SBNO2: variants seen among roughly 807,000 people sequenced by gnomAD.
SBNO2 encodes the protein protein strawberry notch homolog 2.
Under a neutral mutation model 146.3 loss-of-function variants are expected in SBNO2, and 89 were observed. That is an observed-to-expected ratio of 0.61 (90% CI 0.51 to 0.73). SBNO2 has a LOEUF of 0.73. Ranked by LOEUF, SBNO2 falls within the 30% of genes least tolerant of loss-of-function variation. The pLI is 0.00. For missense variants in SBNO2, 2,092 were observed against 2,003.7 expected, an observed-to-expected ratio of 1.04 and a Z score of -0.84; for synonymous variants, 1,147 against 892.6, an observed-to-expected ratio of 1.29 and a Z score of -5.08.
chr19:1,126,067 G>C lies in SBNO2; in HGVS notation c.441+1537C>G, dbSNP rs1267699103. Reference sequence around the variant, plus strand: ...TCCCCCCCTTGAACTCCAACGTCCTGAGACGGGTGAGGTTTCCGCCCAAGC... The same window carrying C: ...TCCCCCCCTTGAACTCCAACGTCCTCAGACGGGTGAGGTTTCCGCCCAAGC... On this transcript the variant is annotated intron_variant, in intron 5 of 31. Transcript: ENST00000361757. The surrounding 1 kb of genome is among the most constrained non-coding windows in gnomAD (Gnocchi z 4.4). Among the ~76,000 whole-genome samples, 2 of 152,194 alleles carry C rather than the reference G, an allele frequency of 1.3e-5. No homozygotes were observed. The highest frequency in any genetic ancestry group is 2.9e-5 in the Non-Finnish European group (2 of 68,036).
At position 1,154,185 on chromosome 19, in the gene SBNO2, T is replaced by G; in HGVS notation, c.92A>C (p.Gln31Pro). The part of the protein sequence containing the change: ...GSLLYSPPPL[Q>P]SAMLHCPYWN... ...GCCGGGGCCGGGGGTGGGGCTCACC[T>G]GCAGGGGCGGCGGGCTGTACAGGAG... The change falls in exon 2 of 32, where the codon CAG becomes CCG. Residue 31 changes from glutamine (Q) to proline (P), a missense_variant and splice_region_variant. Physicochemically the swap from Gln to Pro is moderately conservative, Grantham distance 76 (BLOSUM62 -1). Coordinates refer to ENST00000361757, the MANE Select transcript of SBNO2 (RefSeq NM_014963.3). 4 of 1,235,412 alleles carry G rather than the reference T, an allele frequency of 3.2e-6. No individual in the cohort carries two copies. The allele number at this position is 1,235,412 out of a possible 1,614,324, so 76.5% of individuals were successfully genotyped here.
chr19:1,127,556 G>A (rs534155686), intron 5 of SBNO2, 48 bp downstream of exon 5: 5 of 1,581,186 alleles, frequency 3.2e-6, no homozygotes, highest in African/African-American at 1.3e-5. Context: ...GGGCTGGGGA[G>A]GCCACGCTGG....
chr19:1,171,643 G>A (rs922418996), intron 1 of SBNO2, among the ~76,000 whole-genome samples: 1 of 152,168 alleles, frequency 6.6e-6, no homozygotes, highest in African/African-American at 2.4e-5. Flanking sequence ...CGGTGTTGGC[G>A]TTTCCGCATG....
intron 4 of SBNO2, among the ~76,000 whole-genome samples, chr19:1,142,487 C>T (rs1297614303): frequency 1.3e-5 from 2 of 152,228 alleles, no homozygotes; most frequent in Non-Finnish European, 2.9e-5. Context: ...CGAGACCAGC[C>T]TGGCCAATAT....
At chr19:1,119,229 C>A (rs747389721) in intron 13 of SBNO2, 65 bp from the exon 14 acceptor site, 7 of 1,524,946 alleles carry the variant, frequency 4.6e-6, no homozygotes, top group Non-Finnish European at 6.2e-6. Flanking sequence ...ACTCGGAGCG[C>A]GAGGCAGAGC....
intron 1 of SBNO2, among the ~76,000 whole-genome samples, chr19:1,161,654 G>A (rs989723059): frequency 1.1e-4 from 17 of 151,810 alleles, no homozygotes; most frequent in African/African-American, 4.1e-4. Context: ...GGATGCCCAG[G>A]ACCCACATTT....
At chr19:1,149,475 A>G (rs1239624585) in intron 2 of SBNO2, 33 bp from the exon 3 acceptor site, 5 of 1,542,790 alleles carry the variant, frequency 3.2e-6, no homozygotes, top group Non-Finnish European at 4.4e-6. Flanking sequence ...GTGAGTGGGA[A>G]GCAGAGGACC....
rs2079982271 is a variant in SBNO2 at position 1,127,704 on chromosome 19, A to G, written c.341T>C (p.Leu114Pro). ...ISIFSSSVDS[L>P]SDIVDTPDFL... Reference sequence around the variant, plus strand: ...GTCGGGCGTGTCCACGATGTCCGACAGGGAGTCCACGGACGAGGAGAAGAT... The same window carrying G: ...GTCGGGCGTGTCCACGATGTCCGACGGGGAGTCCACGGACGAGGAGAAGAT... Residue 114 changes from leucine to proline, a missense_variant, in exon 5 of 32, where the codon CTG (leucine) becomes CCG (proline). Transcript: ENST00000361757. 1 of 1,613,450 alleles carries G rather than the reference A, an allele frequency of 6.2e-7. No individual in the cohort carries two copies. The highest frequency in any genetic ancestry group is 1.3e-5 in the African/African-American group (1 of 74,926).
chr19:1,140,533 C>T lies in SBNO2; in HGVS notation c.279+6776G>A, dbSNP rs2080125438. On this transcript the variant is annotated intron_variant, in intron 4 of 31. Coordinates refer to ENST00000361757, the MANE Select transcript of SBNO2 (RefSeq NM_014963.3). This position sits in a 1 kb window ranked among gnomAD's most constrained non-coding sequence, Gnocchi z 4.4. The stretch of plus-strand genomic sequence containing the variant: ...AGGGCCGGGCAAGGCACACACGTGA[C>T]ACCGCGGGAGCCCCGCAGCCCACGG... Among the ~76,000 whole-genome samples, 2 of 152,126 alleles carry T rather than the reference C, an allele frequency of 1.3e-5. No homozygotes were observed. Among genetic ancestry groups the T allele is most frequent in the Non-Finnish European group, 2.9e-5 (2 of 67,994 alleles).
chr19:1,133,689 C>T (rs1330481293), intron 4 of SBNO2, among the ~76,000 whole-genome samples: 1 of 151,816 alleles, frequency 6.6e-6, no homozygotes, highest in Admixed American at 6.6e-5. Flanking sequence ...ACCCACGGAG[C>T]CGCTCAATCC....
In SBNO2 at chr19:1,173,983, G is replaced by A. The variant is rs1054249379; in HGVS notation, c.-127+189C>T. On this transcript the variant is annotated intron_variant, in intron 1 of 31. Transcript: ENST00000361757. The surrounding 1 kb of genome is among the most constrained non-coding windows in gnomAD (Gnocchi z 4.7). ...GGGCAGCGCGGGGTCAACGTTGGCG[G>A]CGAAGGGCGGGGTCGGAAGGGGTCG... Among the ~76,000 whole-genome samples the A allele has an allele frequency of 3.4e-5, 5 of 148,698 alleles. No homozygotes were observed. Among genetic ancestry groups the A allele is most frequent in the African/African-American group, 1.2e-4 (5 of 40,918 alleles).
intron 1 of SBNO2, among the ~76,000 whole-genome samples, chr19:1,156,659 C>CTG (rs2080292107): frequency 6.6e-6 from 1 of 152,150 alleles, no homozygotes; most frequent in Non-Finnish European, 1.5e-5. Context: ...TGCCAGAACA[C>CTG]GACACAGCCA....
At chr19:1,123,191 G>A in intron 7 of SBNO2, 146 bp from the exon 8 acceptor site, 1 of 959,486 alleles carries the variant, frequency 1.0e-6, no homozygotes, top group South Asian at 1.6e-5. Context: ...GGCGGGTCAT[G>A]GGCGTGGCCA....
chr19:1,152,308 C>T (rs2080249804), intron 2 of SBNO2, among the ~76,000 whole-genome samples: 1 of 152,214 alleles, frequency 6.6e-6, no homozygotes, highest in South Asian at 2.1e-4. Context: ...ATTATTTCCC[C>T]ACCGTAGAGC....
rs759219268 is a variant in SBNO2, at chr19:1,157,771, G to A, written c.-126-3369C>T. On this transcript the variant is annotated intron_variant, in intron 1 of 31. Transcript: ENST00000361757. The surrounding 1 kb of genome is among the most constrained non-coding windows in gnomAD (Gnocchi z 6.8). Reference sequence around the variant, plus strand: ...AACCTCAGACAGGACCAAGATCCGGGAGAATCCGAGGAACCGGGTAACTGT... The same window carrying A: ...AACCTCAGACAGGACCAAGATCCGGAAGAATCCGAGGAACCGGGTAACTGT... 2.9e-4 allele frequency among the ~76,000 whole-genome samples: 44 copies of A among 152,262 alleles called. No homozygotes were observed. The highest frequency in any genetic ancestry group is 5.2e-4 in the Admixed American group (8 of 15,288).
chr19:1,114,968 T>C (rs2079813990), intron 17 of SBNO2, among the ~76,000 whole-genome samples: 1 of 151,650 alleles, frequency 6.6e-6, no homozygotes, highest in Non-Finnish European at 1.5e-5. Context: ...TTCACTCTGT[T>C]GCCCAGGCTG....
intron 24 of SBNO2, 30 bp from the exon 25 acceptor site, chr19:1,111,123 C>T (rs1432617730): frequency 2.6e-6 from 4 of 1,536,384 alleles, no homozygotes; most frequent in Non-Finnish European, 3.5e-6. Flanking sequence ...ACATGCTGGT[C>T]TTCCCACCCC....
In SBNO2 at chr19:1,122,951, GGGCAGGGCCA is replaced by G; in HGVS notation, c.713_722del (p.Leu238ProfsTer12). 1 of 1,565,152 alleles carries G rather than the reference GGGCAGGGCCA, an allele frequency of 6.4e-7. No homozygotes were observed. Among genetic ancestry groups the G allele is most frequent in the Non-Finnish European group, 8.7e-7 (1 of 1,155,538 alleles). On this transcript the variant is annotated frameshift_variant, in exon 8 of 32. Coordinates refer to ENST00000361757, the MANE Select transcript of SBNO2 (RefSeq NM_014963.3). LOFTEE classifies it high-confidence loss of function. ...GGGCAGACAGGGCCCCGCTGTCCGA[GGGCAGGGCCA>G]GGGTGTAGGTGATGTCTGGGGGTGG...
At chr19:1,164,662 G>GGAA in intron 1 of SBNO2, among the ~76,000 whole-genome samples, 1 of 137,888 alleles carries the variant, frequency 7.3e-6, no homozygotes, top group South Asian at 2.5e-4. Flanking sequence ...AGGAGGAGGA[G>GGAA]GAGGAACAGG....
Sources: allele counts gnomAD v4.1 joint callset (sites outside exome capture counted in the v4.1 genomes callset), GRCh38; gene constraint gnomAD v4.1.1; non-coding constraint Gnocchi (gnomAD v3.1); transcripts MANE v1.5; gene names NCBI Gene and HGNC (gene_info 2026-07-23, HGNC 2026-07-21).